The following PRDM4 variants were observed in gnomAD, a reference collection of about 807,000 sequenced individuals.
PRDM4 encodes PR domain zinc finger protein 4.
Under a neutral mutation model 62.3 loss-of-function variants are expected in PRDM4, and 38 were observed. The ratio of observed to expected loss-of-function variants is 0.61; its 90% CI spans 0.47 to 0.80. The LOEUF (loss-of-function observed/expected upper bound fraction) is 0.80, where lower values mean the gene tolerates loss of function less well. Among genes scored for constraint, PRDM4 ranks in the 30% least tolerant of loss-of-function variants. The pLI, the probability that PRDM4 is intolerant of heterozygous loss-of-function variation, is 0.00. For missense variants in PRDM4, 858 were observed against 997.1 expected, an observed-to-expected ratio of 0.86 and a Z score of 1.88; for synonymous variants, 339 against 348.2, an observed-to-expected ratio of 0.97 and a Z score of 0.30.
intron 5 of PRDM4, among the ~76,000 whole-genome samples, chr12:107,748,031 C>T (rs1454239278): frequency 6.6e-6 from 1 of 151,916 alleles, no homozygotes; most frequent in Non-Finnish European, 1.5e-5. Context: ...TACAAAAAAT[C>T]AGCCAGGCAT....
chr12:107,746,886 A>G (rs1007336239), intron 5 of PRDM4, among the ~76,000 whole-genome samples: 6 of 152,232 alleles, frequency 3.9e-5, no homozygotes, highest in Non-Finnish European at 8.8e-5. Context: ...ACACTAACAT[A>G]TATACCTACT....
At chr12:107,750,659 C>T (rs772972074) in intron 5 of PRDM4, among the ~76,000 whole-genome samples, 14 of 152,012 alleles carry the variant, frequency 9.2e-5, no homozygotes, top group African/African-American at 1.7e-4. Context: ...AACTTTTACA[C>T]GCCCAAGAAT....
At chr12:107,739,739 A>G in intron 10 of PRDM4, 188 bp from the exon 11 acceptor site, 1 of 478,492 alleles carries the variant, frequency 2.1e-6, no homozygotes, top group East Asian at 3.2e-5. Context: ...TTCTGCAACT[A>G]AAGCTAGTAA....
At position 107,741,052 on chromosome 12, in the gene PRDM4, A is replaced by G. The variant is rs1331369904; in HGVS notation, c.1818T>C (p.His606=). The G allele has an allele frequency of 6.2e-7, 1 of 1,614,176 alleles. No individual in the cohort carries two copies. The highest frequency in any genetic ancestry group is 1.1e-5 in the South Asian group (1 of 91,088). ...TACCCATGTGACCCATAAAGTGGACATGAAGTTTGGAAGGAGAGATAAAAG... is the reference window on the plus strand; with the variant it reads ...TACCCATGTGACCCATAAAGTGGACGTGAAGTTTGGAAGGAGAGATAAAAG... ...PQAFISPSKL[H]VHFMGHMGMK... is the part of the protein sequence containing the mutation. Residue 606 remains histidine, a synonymous_variant, in exon 10 of 12, where the codon CAT becomes CAC. Coordinates refer to ENST00000228437, the MANE Select transcript of PRDM4 (RefSeq NM_012406.4).
intron 5 of PRDM4, among the ~76,000 whole-genome samples, chr12:107,746,823 C>T (rs908083333): frequency 6.6e-6 from 1 of 152,130 alleles, no homozygotes; most frequent in African/African-American, 2.4e-5. Context: ...AAAATGTATC[C>T]AGTAAGAAGC....
chr12:107,760,898 G>GCAGGCCGGGCCGCCGCGC, intron 1 of PRDM4, 59 bp downstream of exon 1: 1 of 148,730 alleles, frequency 6.7e-6, no homozygotes, highest in Non-Finnish European at 1.5e-5. Context: ...CCCGCCCGCG[G>GCAGGCCGGGCCGCCGCGC]CCCGCAGGCC....
chr12:107,754,104 G>T lies in PRDM4; in HGVS notation c.151C>A (p.Pro51Thr). 6.3e-7 allele frequency: 1 copy of T among 1,583,954 alleles called. No individual in the cohort carries two copies. The highest frequency in any genetic ancestry group is 8.6e-7 in the Non-Finnish European group (1 of 1,167,112). ...THSAIPAPGL[P>T]VAIPNLGPSL... ...GGACCCAGGTTTGGAATTGCCACTG[G>T]GAGGCCTACAAAACAAAATTTTTTT... Residue 51 changes from proline to threonine, a missense_variant, in exon 4 of 12, where the codon CCA (proline) becomes ACA (threonine). Transcript: ENST00000228437.
intron 11 of PRDM4, among the ~76,000 whole-genome samples, chr12:107,735,402 T>C (rs773419057): frequency 6.6e-6 from 1 of 152,216 alleles, no homozygotes. Flanking sequence ...AGCCAGTACA[T>C]AATGGTATCT....
At position 107,751,467 on chromosome 12, in the gene PRDM4, T is replaced by C. The variant is rs527968170; in HGVS notation, c.1074A>G (p.Gln358=). 89 of 1,613,214 alleles carry C rather than the reference T, an allele frequency of 5.5e-5. No homozygotes were observed. The South Asian group carries it at 8.9e-4, about 16-fold the overall frequency. ...CCTTGTTTGAATTGGAGTCTTCCAT[T>C]TGCAGTGAAGGTGATACAAAAGAAA... ...DSLSFVSPSL[Q]MEDSNSNKEN... The change falls in exon 5 of 12, where the codon CAA becomes CAG. Residue 358 remains glutamine, a synonymous_variant. Transcript: ENST00000228437.
intron 11 of PRDM4, chr12:107,737,024 T>C (rs1486840045): frequency 6.6e-6 from 1 of 152,218 alleles, no homozygotes; most frequent in East Asian, 1.9e-4. Flanking sequence ...CGCTGAGTGA[T>C]GGTGAGGTGT....
chr12:107,739,206 C>T (rs1890435897), intron 11 of PRDM4, 177 bp downstream of exon 11: 1 of 567,498 alleles, frequency 1.8e-6, no homozygotes, highest in African/African-American at 1.9e-5. Context: ...CAGGATAACA[C>T]CAAAAAAAGT....
intron 11 of PRDM4, among the ~76,000 whole-genome samples, chr12:107,738,900 CACACACA>C (rs1890424807): frequency 6.6e-6 from 1 of 151,544 alleles, no homozygotes; most frequent in African/African-American, 2.4e-5. Context: ...CACACACACA[CACACACA>C]CACACACCAA....
chr12:107,760,626 C>T lies in PRDM4; in HGVS notation c.-111G>A. ...CACATCTTGCTCACAACCGCTGCAC[C>T]GACGCGGCCACTCGTCCCCGGGGTC... On this transcript the variant is annotated 5_prime_UTR_variant, in exon 2 of 12. Coordinates refer to ENST00000228437, the MANE Select transcript of PRDM4 (RefSeq NM_012406.4). The T allele has an allele frequency of 3.6e-6, 5 of 1,378,692 alleles. No individual in the cohort carries two copies. Among genetic ancestry groups the T allele is most frequent in the Non-Finnish European group, 9.9e-7 (1 of 1,011,064 alleles). The allele number at this position is 1,378,692 out of a possible 1,614,324, so 85.4% of individuals were successfully genotyped here. A position where few individuals can be genotyped will look rare whatever the true frequency, so the allele number is the denominator to read the frequency against.
intron 11 of PRDM4, among the ~76,000 whole-genome samples, chr12:107,738,672 T>C (rs1184148448): frequency 6.6e-6 from 1 of 152,204 alleles, no homozygotes; most frequent in Non-Finnish European, 1.5e-5. Context: ...GGTCTTCCAA[T>C]ATTTAGGCTT....
Position 107,734,459 on chromosome 12 carries a change from CTTCT to C in PRDM4, c.2153_2156del (p.Lys718SerfsTer22). The stretch of plus-strand genomic sequence containing the variant: ...GTTTTCCTTCATGAGAATTGAGATG[CTTCT>C]TTAAGTGATTTGTTCTCAAGAACAG... On this transcript the variant is annotated frameshift_variant, in exon 12 of 12. Transcript: ENST00000228437. LOFTEE classifies it high-confidence loss of function. The C allele has an allele frequency of 6.2e-7, 1 of 1,614,154 alleles. No homozygotes were observed. The highest frequency in any genetic ancestry group is 8.5e-7 in the Non-Finnish European group (1 of 1,180,002).
chr12:107,748,169 G>A (rs1566097481), intron 5 of PRDM4, among the ~76,000 whole-genome samples: 1 of 151,930 alleles, frequency 6.6e-6, no homozygotes, highest in Non-Finnish European at 1.5e-5. Context: ...GACAGAGCCA[G>A]ACTCTGTCTC....
At chr12:107,757,696 CAAA>C (rs1026156997) in intron 2 of PRDM4, among the ~76,000 whole-genome samples, 1 of 152,026 alleles carries the variant, frequency 6.6e-6, no homozygotes, top group Non-Finnish European at 1.5e-5. Context: ...AAAACACTGC[CAAA>C]AAGTTTTTCA....
chr12:107,734,881 A>G (rs1890277914), intron 11 of PRDM4, among the ~76,000 whole-genome samples: 1 of 152,186 alleles, frequency 6.6e-6, no homozygotes, highest in African/African-American at 2.4e-5. Flanking sequence ...AATACACCAC[A>G]ACTTATCTAT....
rs772805386 is a variant in PRDM4, at chr12:107,746,342, C to G, written c.1209G>C (p.Glu403Asp). 2 of 1,614,090 alleles carry G rather than the reference C, an allele frequency of 1.2e-6. No homozygotes were observed. The highest frequency in any genetic ancestry group is 8.5e-7 in the Non-Finnish European group (1 of 1,179,994). Reference protein sequence around the residue: ...PVTFVPDTPIESRARLSLPKQ... With the variant: ...PVTFVPDTPIDSRARLSLPKQ... ...TTGGGAGAGAAAGCCTTGCTCTGCT[C>G]TCTATTGGAGTGTCAGGAACAAAAG... The change falls in exon 6 of 12, where the codon GAG (glutamate) becomes GAC (aspartate). Residue 403 changes from glutamate (E) to aspartate (D), a missense_variant. Coordinates refer to ENST00000228437, the MANE Select transcript of PRDM4 (RefSeq NM_012406.4).
Sources: allele counts gnomAD v4.1 joint callset (sites outside exome capture counted in the v4.1 genomes callset), GRCh38; gene constraint gnomAD v4.1.1; transcripts MANE v1.5; gene names NCBI Gene and HGNC (gene_info 2026-07-23, HGNC 2026-07-21).